The following FSTL5 variants were observed in gnomAD, a reference collection of about 807,000 sequenced individuals.
FSTL5 encodes follistatin-related protein 5.
In FSTL5, 62 loss-of-function variants were observed where a neutral mutation model predicts 89.1. That is an observed-to-expected ratio of 0.70 (90% CI 0.57 to 0.86). The LOEUF (loss-of-function observed/expected upper bound fraction) is 0.86, where lower values mean the gene tolerates loss of function less well. FSTL5 is among the 40% of genes least tolerant of loss of function. The pLI is 0.00. For missense variants in FSTL5, 1,057 were observed against 1,001.6 expected, an observed-to-expected ratio of 1.06 and a Z score of -0.75; for synonymous variants, 383 against 346.2, an observed-to-expected ratio of 1.11 and a Z score of -1.18.
At chr4:161,905,906 T>G (rs1243949138) in intron 4 of FSTL5, among the ~76,000 whole-genome samples, 3 of 152,162 alleles carry the variant, frequency 2.0e-5, no homozygotes, top group African/African-American at 7.2e-5. Context: ...TTTCAATCTG[T>G]GGTAGTTCTC....
intron 6 of FSTL5, among the ~76,000 whole-genome samples, chr4:161,688,476 C>A (rs1737817403): frequency 6.6e-6 from 1 of 152,178 alleles, no homozygotes; most frequent in African/African-American, 2.4e-5. Flanking sequence ...TATACAGAAT[C>A]ATTTCTACCA....
chr4:161,467,002 A>T (rs6536596), intron 13 of FSTL5, among the ~76,000 whole-genome samples: 112,540 of 152,002 alleles, frequency 0.74, 41,935 homozygotes, highest in East Asian at 0.95. Flanking sequence ...CACAGTCAAA[A>T]ACATGCAAAA....
intron 2 of FSTL5, among the ~76,000 whole-genome samples, chr4:162,048,702 T>C (rs973553328): frequency 6.6e-6 from 1 of 151,968 alleles, no homozygotes; most frequent in Non-Finnish European, 1.5e-5. Flanking sequence ...TAGAATAAAG[T>C]CATCAAGAAA....
intron 13 of FSTL5, among the ~76,000 whole-genome samples, chr4:161,475,027 CTTTT>C (rs58684881): frequency 1.5e-5 from 2 of 129,448 alleles, no homozygotes; most frequent in African/African-American, 5.7e-5. Flanking sequence ...CCTTGATTGG[CTTTT>C]TTTTTTTTTT....
chr4:161,475,155 C>G (rs2126442449), intron 13 of FSTL5, among the ~76,000 whole-genome samples: 1 of 150,274 alleles, frequency 6.7e-6, no homozygotes, highest in African/African-American at 2.4e-5. Flanking sequence ...AGAGTTGTTT[C>G]CCTCTTGCTG....
rs891974712 is a variant in FSTL5 at position 161,385,090 on chromosome 4, G to A, written c.*657C>T. On this transcript the variant is annotated 3_prime_UTR_variant, in exon 16 of 16. Transcript: ENST00000306100. ...CAGATTATACAGTAAATGTCAAGTGGAGTTTGACACCTGTATACAACCTAA... is the reference window on the plus strand; with the variant it reads ...CAGATTATACAGTAAATGTCAAGTGAAGTTTGACACCTGTATACAACCTAA... 2 of 152,318 alleles carry A rather than the reference G, an allele frequency of 1.3e-5. No individual in the cohort carries two copies. Among genetic ancestry groups the A allele is most frequent in the African/African-American group, 4.8e-5 (2 of 41,422 alleles). The allele number at this position is 152,318 out of a possible 1,614,324, so 9.4% of individuals were successfully genotyped here. A position where few individuals can be genotyped will look rare whatever the true frequency, so the allele number is the denominator to read the frequency against.
At chr4:161,450,750 T>A (rs888685735) in intron 15 of FSTL5, among the ~76,000 whole-genome samples, 1 of 150,862 alleles carries the variant, frequency 6.6e-6, no homozygotes, top group East Asian at 1.9e-4. Flanking sequence ...CATTTTTTTT[T>A]TTTTTTTTTT....
chr4:161,574,305 TCTA>T (rs1175911835), intron 8 of FSTL5, among the ~76,000 whole-genome samples: 1 of 151,990 alleles, frequency 6.6e-6, no homozygotes, highest in Non-Finnish European at 1.5e-5. Context: ...ATCTTTTTCT[TCTA>T]CTACAAAACA....
chr4:161,797,483 C>T (rs1021208590), intron 4 of FSTL5, among the ~76,000 whole-genome samples: 4 of 151,588 alleles, frequency 2.6e-5, no homozygotes, highest in Non-Finnish European at 4.4e-5. Flanking sequence ...TCACTTAAAA[C>T]ATTACTCTTT....
At chr4:162,127,372 T>G (rs1347608120) in intron 1 of FSTL5, among the ~76,000 whole-genome samples, 1 of 152,190 alleles carries the variant, frequency 6.6e-6, no homozygotes, top group African/African-American at 2.4e-5. Flanking sequence ...TGTTTTAAAA[T>G]TGCTGGTGTA....
chr4:161,901,249 A>G (rs941979699), intron 4 of FSTL5, among the ~76,000 whole-genome samples: 36 of 152,172 alleles, frequency 2.4e-4, no homozygotes, highest in Non-Finnish European at 4.1e-4. Flanking sequence ...TTTTGAAAGA[A>G]CATATAGAAA....
intron 3 of FSTL5, among the ~76,000 whole-genome samples, chr4:162,007,480 C>T (rs1296203738): frequency 6.6e-6 from 1 of 151,632 alleles, no homozygotes; most frequent in Admixed American, 6.6e-5. Context: ...ATATAAACAG[C>T]AACTCTTTAC....
chr4:161,933,560 T>G (rs1173221434), intron 3 of FSTL5, among the ~76,000 whole-genome samples: 1 of 151,220 alleles, frequency 6.6e-6, no homozygotes, highest in African/African-American at 2.4e-5. Context: ...ACATCTATTT[T>G]GAGAGAAAAA....
At chr4:161,649,812 T>G (rs908216333) in intron 7 of FSTL5, among the ~76,000 whole-genome samples, 1 of 152,172 alleles carries the variant, frequency 6.6e-6, no homozygotes, top group Non-Finnish European at 1.5e-5. Flanking sequence ...CCAGGAAGAC[T>G]CTTTACAACA....
chr4:162,136,725 G>A (rs1000588973), intron 1 of FSTL5, among the ~76,000 whole-genome samples: 1 of 151,828 alleles, frequency 6.6e-6, no homozygotes, highest in Non-Finnish European at 1.5e-5. Flanking sequence ...AGTGTATTCT[G>A]CAGAACACTA....
chr4:161,783,663 CTCTT>C lies in FSTL5; in HGVS notation c.410-7593_410-7590del, dbSNP rs1234017615. Among the ~76,000 whole-genome samples the C allele has an allele frequency of 2.9e-4, 18 of 61,874 alleles. 1 individual carries two copies. Among genetic ancestry groups the C allele is most frequent in the African/African-American group, 1.1e-3 (18 of 16,402 alleles). 40.6% of individuals were successfully genotyped at this position (61,874 alleles called of 152,430 possible). A position where few individuals can be genotyped will look rare whatever the true frequency, so the allele number is the denominator to read the frequency against. On this transcript the variant is annotated intron_variant, in intron 4 of 15. Transcript: ENST00000306100. ...TTTCTTTCTCTCTCTTTCTTTCTTT[CTCTT>C]TCTTTCTTTCTCTTTCTTTCTTTCT... is the stretch of plus-strand genomic sequence containing the variant.
chr4:161,515,590 T>C (rs1730795529), intron 10 of FSTL5, among the ~76,000 whole-genome samples: 1 of 150,422 alleles, frequency 6.6e-6, no homozygotes, highest in Non-Finnish European at 1.5e-5. Flanking sequence ...ATATAATATA[T>C]AAATATAATT....
intron 2 of FSTL5, among the ~76,000 whole-genome samples, chr4:162,073,761 A>G (rs1729722622): frequency 6.6e-6 from 1 of 151,874 alleles, no homozygotes; most frequent in Admixed American, 6.6e-5. Flanking sequence ...TGCATATGAA[A>G]TTGAATATTC....
At chr4:162,141,875 A>G (rs1732760636) in intron 1 of FSTL5, among the ~76,000 whole-genome samples, 1 of 90,228 alleles carries the variant, frequency 1.1e-5, no homozygotes, top group Non-Finnish European at 2.6e-5. Context: ...ACAGGTAGAA[A>G]GAAGTGTACA....
Sources: allele counts gnomAD v4.1 joint callset (sites outside exome capture counted in the v4.1 genomes callset), GRCh38; gene constraint gnomAD v4.1.1; transcripts MANE v1.5; gene names NCBI Gene and HGNC (gene_info 2026-07-23, HGNC 2026-07-21).